DDAH1: variants seen among roughly 807,000 people sequenced by gnomAD.
The protein encoded by DDAH1 is N(G),N(G)-dimethylarginine dimethylaminohydrolase 1.
DDAH1 carries 19 observed loss-of-function variants against 28.8 expected under a neutral mutation model. That is an observed-to-expected ratio of 0.66 (90% CI 0.46 to 0.97). DDAH1 has a LOEUF of 0.97. DDAH1 is among the 50% of genes least tolerant of loss of function. The probability of loss-of-function intolerance (pLI) is 0.00; values close to 1 mark genes in which losing one functional copy is unlikely to be tolerated. For missense variants in DDAH1, 326 were observed against 375.9 expected, an observed-to-expected ratio of 0.87 and a Z score of 1.10; for synonymous variants, 153 against 154.4, an observed-to-expected ratio of 0.99 and a Z score of 0.07.
At chr1:85,415,911 T>C (rs12062903) in intron 1 of DDAH1, among the ~76,000 whole-genome samples, 14,916 of 152,172 alleles carry the variant, frequency 0.098, 799 homozygotes, top group Middle Eastern at 0.15. Flanking sequence ...TTTCAATAAT[T>C]AAAAAATTAT....
At chr1:85,570,243 CAA>C (rs1252558245) in intron 1 of DDAH1, among the ~76,000 whole-genome samples, 1 of 152,086 alleles carries the variant, frequency 6.6e-6, no homozygotes, top group Non-Finnish European at 1.5e-5. Context: ...AAAGCCTCTA[CAA>C]AGAGTTCAGC....
chr1:85,431,209 T>C (rs1376237226), intron 1 of DDAH1, among the ~76,000 whole-genome samples: 3 of 152,204 alleles, frequency 2.0e-5, no homozygotes, highest in Non-Finnish European at 2.9e-5. Flanking sequence ...GATTTGTGTA[T>C]GTTGAACCAG....
intron 2 of DDAH1, among the ~76,000 whole-genome samples, chr1:85,489,478 A>G (rs932904380): frequency 6.6e-6 from 1 of 152,152 alleles, no homozygotes; most frequent in African/African-American, 2.4e-5. Context: ...GTGGGGTAAG[A>G]GTTTATTTTA....
chr1:85,461,132 G>A (rs1433137304), intron 1 of DDAH1, among the ~76,000 whole-genome samples: 1 of 150,030 alleles, frequency 6.7e-6, no homozygotes, highest in African/African-American at 2.5e-5. Context: ...AACAAACAGA[G>A]AAGTTGCATT....
intron 4 of DDAH1, among the ~76,000 whole-genome samples, chr1:85,338,951 G>C (rs1395352838): frequency 6.7e-6 from 1 of 150,152 alleles, no homozygotes; most frequent in African/African-American, 2.5e-5. Context: ...GGAGGCTGAA[G>C]AAGGAGAATT....
At chr1:85,543,689 G>C (rs1354190703) in intron 1 of DDAH1, among the ~76,000 whole-genome samples, 1 of 152,144 alleles carries the variant, frequency 6.6e-6, no homozygotes, top group Non-Finnish European at 1.5e-5. Context: ...TAGAATACTT[G>C]TTTAAGTAAT....
At chr1:85,485,513 C>T (rs981981509) in intron 2 of DDAH1, among the ~76,000 whole-genome samples, 1 of 151,992 alleles carries the variant, frequency 6.6e-6, no homozygotes, top group African/African-American at 2.4e-5. Context: ...CATTTTTATC[C>T]CCAAACTTTA....
intron 1 of DDAH1, among the ~76,000 whole-genome samples, chr1:85,373,946 G>A (rs567946534): frequency 6.6e-6 from 1 of 150,930 alleles, no homozygotes; most frequent in African/African-American, 2.4e-5. Flanking sequence ...GACACTGGTG[G>A]AAGAAGTTAA....
chr1:85,345,038 A>C (rs1648757615), intron 4 of DDAH1, among the ~76,000 whole-genome samples: 2 of 152,226 alleles, frequency 1.3e-5, no homozygotes, highest in African/African-American at 2.4e-5. Flanking sequence ...TAAAAAATTA[A>C]AGTATACAAA....
At chr1:85,324,686 A>G in intron 5 of DDAH1, 54 bp downstream of exon 5, 4 of 1,606,068 alleles carry the variant, frequency 2.5e-6, no homozygotes, top group Non-Finnish European at 2.6e-6. Context: ...CTTTATGAAA[A>G]AATCCCCAGG....
At chr1:85,470,678 T>C (rs1196095676) in intron 2 of DDAH1, among the ~76,000 whole-genome samples, 1 of 152,202 alleles carries the variant, frequency 6.6e-6, no homozygotes, top group Non-Finnish European at 1.5e-5. Flanking sequence ...TTGCTGCAGA[T>C]TGCCTGTTAT....
At chr1:85,575,287 C>G (rs1480746867) in intron 1 of DDAH1, among the ~76,000 whole-genome samples, 1 of 152,108 alleles carries the variant, frequency 6.6e-6, no homozygotes, top group African/African-American at 2.4e-5. Context: ...AGACTGGGTC[C>G]ACAGTGAACA....
intron 1 of DDAH1, among the ~76,000 whole-genome samples, chr1:85,544,212 A>T (rs879774092): frequency 6.6e-6 from 1 of 152,214 alleles, no homozygotes; most frequent in Non-Finnish European, 1.5e-5. Flanking sequence ...AAAACAAAAC[A>T]ACTTTAGATT....
intron 1 of DDAH1, among the ~76,000 whole-genome samples, chr1:85,525,567 T>TCACACACACACACACACATACA (rs1657838920): frequency 6.7e-6 from 1 of 148,984 alleles, no homozygotes; most frequent in Non-Finnish European, 1.5e-5. Context: ...AGAATGATAT[T>TCACACACACACACACACATACA]CACACACACA....
chr1:85,431,119 C>G (rs904141281), intron 1 of DDAH1, among the ~76,000 whole-genome samples: 6 of 152,168 alleles, frequency 3.9e-5, no homozygotes, highest in Admixed American at 2.6e-4. Context: ...TGAATTTTAT[C>G]CAAGGCCCTT....
chr1:85,346,202 G>A (rs1648831623), intron 4 of DDAH1, among the ~76,000 whole-genome samples: 2 of 152,168 alleles, frequency 1.3e-5, no homozygotes, highest in South Asian at 2.1e-4. Context: ...TCAAGCTTTC[G>A]GTGTGTAGCA....
intron 1 of DDAH1, among the ~76,000 whole-genome samples, chr1:85,502,913 G>A (rs1017843742): frequency 6.6e-6 from 1 of 152,102 alleles, no homozygotes; most frequent in African/African-American, 2.4e-5. Context: ...TTTGTCTCCT[G>A]GAGTCAGATC....
intron 4 of DDAH1, among the ~76,000 whole-genome samples, chr1:85,344,127 G>A (rs1648683350): frequency 6.6e-6 from 1 of 152,194 alleles, no homozygotes; most frequent in Non-Finnish European, 1.5e-5. Context: ...CTGTATTTAA[G>A]CTCCATTTAC....
At chr1:85,574,362 T>C (rs1231022770) in intron 1 of DDAH1, among the ~76,000 whole-genome samples, 1 of 152,240 alleles carries the variant, frequency 6.6e-6, no homozygotes, top group African/African-American at 2.4e-5. Flanking sequence ...AAAGTTCCAA[T>C]GCCATGACAG....
Sources: gnomAD v4.1 joint callset for allele counts (sites outside exome capture counted in the v4.1 genomes callset) on GRCh38, gnomAD v4.1.1 for gene constraint, MANE v1.5 for transcripts, NCBI Gene and HGNC (gene_info 2026-07-23, HGNC 2026-07-21) for gene names.